Variants in SERPINA12 observed in about 807,000 individuals in gnomAD.
SERPINA12 encodes the protein serpin family A member 12, also known as serpin A12.
SERPINA12 carries 21 observed loss-of-function variants against 25.9 expected under a neutral mutation model. The observed-to-expected ratio is 0.81, with a 90% CI of 0.58 to 1.17. The LOEUF is 1.17. Among genes scored for constraint, SERPINA12 ranks in the 50% most tolerant of loss-of-function variants. The probability of loss-of-function intolerance (pLI) is 0.00; values close to 1 mark genes in which losing one functional copy is unlikely to be tolerated. For synonymous variants in SERPINA12, 220 were observed against 196.0 expected, an observed-to-expected ratio of 1.12 and a Z score of -1.02; for missense variants, 562 against 508.3, an observed-to-expected ratio of 1.11 and a Z score of -1.02.
chr14:94,503,657 T>C (rs970745491), intron 1 of SERPINA12, among the ~76,000 whole-genome samples: 10 of 152,188 alleles, frequency 6.6e-5, no homozygotes, highest in African/African-American at 1.2e-4. Context: ...AAGGAAGAGA[T>C]TGTGGTTGCA....
rs765527746 is a variant in SERPINA12, at chr14:94,516,691, C to G, written c.-352-537G>C. 1.2e-4 allele frequency among the ~76,000 whole-genome samples: 19 copies of G among 152,206 alleles called. 1 individual carries two copies. The highest frequency in any genetic ancestry group is 5.9e-4 in the Admixed American group (9 of 15,280). ...CACACCTGGCTGGAACTATCACCCC[C>G]AACATCTTCCAAAGCTTATACCTTA... On this transcript the variant is annotated intron_variant, in intron 1 of 5. Coordinates refer to the SERPINA12 transcript ENST00000341228.
chr14:94,498,486 A>G, intron 1 of SERPINA12, 56 bp from the exon 2 acceptor site: 1 of 1,381,652 alleles, frequency 7.2e-7, no homozygotes, highest in Non-Finnish European at 9.9e-7. Context: ...TGTTACCCAG[A>G]GGAAGACCAG....
chr14:94,515,889 A>T (rs1164549168), exon 2 of SERPINA12: 1 of 152,220 alleles, frequency 6.6e-6, no homozygotes. Context: ...GGATAAAACC[A>T]TCCACTTCCT....
upstream of SERPINA12, chr14:94,509,869 G>T: frequency 5.5e-6 from 3 of 547,866 alleles, no homozygotes; most frequent in Non-Finnish European, 7.0e-6. Flanking sequence ...TCATCTTTGA[G>T]CAGAATCGTC....
chr14:94,498,544 A>T, intron 1 of SERPINA12, 114 bp from the exon 2 acceptor site: 1 of 845,548 alleles, frequency 1.2e-6, no homozygotes, highest in Non-Finnish European at 1.8e-6. Flanking sequence ...ATAGCAGTTT[A>T]TGAGTGCTTT....
In SERPINA12 at chr14:94,489,739, G is replaced by A. The variant is rs1330519693; in HGVS notation, c.934C>T (p.His312Tyr). ...TTCAGGTCGAAGGTGCCCGTCATGTGGAGTCTGGGTACAGACACGTCTACG... is the reference window on the plus strand; with the variant it reads ...TTCAGGTCGAAGGTGCCCGTCATGTAGAGTCTGGGTACAGACACGTCTACG... The part of the protein sequence containing the change: ...RVVDVSVPRL[H>Y]MTGTFDLKKT... Residue 312 changes from histidine to tyrosine, a missense_variant, in exon 4 of 5, where the codon CAC becomes TAC. Coordinates refer to ENST00000677451, the MANE Select transcript of SERPINA12 (RefSeq NM_001382267.1). The A allele has an allele frequency of 1.9e-6, 3 of 1,614,178 alleles. No individual in the cohort carries two copies. The highest frequency in any genetic ancestry group is 1.7e-6 in the Non-Finnish European group (2 of 1,180,016).
chr14:94,490,755 C>T (rs1900144324), intron 3 of SERPINA12, among the ~76,000 whole-genome samples: 1 of 152,168 alleles, frequency 6.6e-6, no homozygotes, highest in Admixed American at 6.5e-5. Context: ...GGAAGCAACT[C>T]TTTCCAGAGT....
In SERPINA12 at chr14:94,504,950, G is replaced by A. The variant is rs192304448; in HGVS notation, c.-34+4392C>T. Among the ~76,000 whole-genome samples the A allele has an allele frequency of 2.0e-4, 30 of 152,358 alleles. No individual in the cohort carries two copies. The East Asian group carries it at 5.8e-3, about 29-fold the overall frequency. ...TATCTTCAGTTTTACCACTTGGAGA[G>A]AGAAGCATTGAAGATGTCTGGGAAC... is the stretch of plus-strand genomic sequence containing the variant. On this transcript the variant is annotated intron_variant, in intron 1 of 4. Transcript: ENST00000677451.
At chr14:94,492,453 G>T (rs747123249) in intron 3 of SERPINA12, among the ~76,000 whole-genome samples, 3 of 152,200 alleles carry the variant, frequency 2.0e-5, no homozygotes, top group East Asian at 1.9e-4. Flanking sequence ...GCAGACACCT[G>T]CTTTGTCTTC....
intron 1 of SERPINA12, among the ~76,000 whole-genome samples, chr14:94,516,419 T>A (rs1460406528): frequency 6.6e-6 from 1 of 152,142 alleles, no homozygotes; most frequent in Non-Finnish European, 1.5e-5. Context: ...GGGGCCGGTG[T>A]TCCTCACCTG....
At chr14:94,492,713 G>A (rs1900228927) in intron 3 of SERPINA12, among the ~76,000 whole-genome samples, 1 of 152,232 alleles carries the variant, frequency 6.6e-6, no homozygotes, top group African/African-American at 2.4e-5. Context: ...ACTAAGTGCA[G>A]CTGTGCTGAC....
chr14:94,504,774 T>C (rs951467055), intron 1 of SERPINA12, among the ~76,000 whole-genome samples: 2 of 152,218 alleles, frequency 1.3e-5, no homozygotes, highest in Non-Finnish European at 2.9e-5. Flanking sequence ...TATGGTTGGG[T>C]TCTCTTGTGC....
At chr14:94,502,216 G>A (rs1900760909) in intron 1 of SERPINA12, among the ~76,000 whole-genome samples, 1 of 152,128 alleles carries the variant, frequency 6.6e-6, no homozygotes, top group Non-Finnish European at 1.5e-5. Context: ...CTGCTCCCAT[G>A]TTCCCTATTA....
At chr14:94,502,363 C>G (rs1337875665) in intron 1 of SERPINA12, among the ~76,000 whole-genome samples, 1 of 152,186 alleles carries the variant, frequency 6.6e-6, no homozygotes, top group Admixed American at 6.5e-5. Flanking sequence ...TAAGTCTACA[C>G]GAGAAGGGGT....
upstream of SERPINA12, among the ~76,000 whole-genome samples, chr14:94,510,479 G>A (rs1301813901): frequency 6.6e-6 from 1 of 152,196 alleles, no homozygotes; most frequent in African/African-American, 2.4e-5. Flanking sequence ...CATGAATGTG[G>A]TGAAAGGGAA....
chr14:94,510,463 T>A (rs1431359046), upstream of SERPINA12, among the ~76,000 whole-genome samples: 1 of 152,172 alleles, frequency 6.6e-6, no homozygotes. Flanking sequence ...AAAAAATAGA[T>A]GTTGGCATGA....
At chr14:94,499,308 T>C (rs1900612381) in intron 1 of SERPINA12, among the ~76,000 whole-genome samples, 2 of 152,190 alleles carry the variant, frequency 1.3e-5, no homozygotes, top group Non-Finnish European at 2.9e-5. Context: ...TGCCTGGCTC[T>C]GGACTGCTGC....
upstream of SERPINA12, among the ~76,000 whole-genome samples, chr14:94,511,969 G>A (rs761715019): frequency 1.1e-4 from 17 of 152,006 alleles, no homozygotes; most frequent in Non-Finnish European, 2.4e-4. Context: ...GTGGTGTCTC[G>A]CACCAGTGGT....
chr14:94,499,985 C>A (rs577344122), intron 1 of SERPINA12, among the ~76,000 whole-genome samples: 3 of 152,162 alleles, frequency 2.0e-5, no homozygotes, highest in South Asian at 2.1e-4. Context: ...CACAGCAGCA[C>A]CAGCAAAAGG....
Sources: allele counts gnomAD v4.1 joint callset (sites outside exome capture counted in the v4.1 genomes callset), GRCh38; gene constraint gnomAD v4.1.1; transcripts MANE v1.5; gene names NCBI Gene and HGNC (gene_info 2026-07-23, HGNC 2026-07-21).